Variants in DMD observed in about 807,000 individuals in gnomAD.
The protein encoded by DMD is dystrophin, also known as mutant dystrophin.
DMD carries 63 observed loss-of-function variants against 330.1 expected under a neutral mutation model. The ratio of observed to expected loss-of-function variants is 0.19; its 90% CI spans 0.16 to 0.24. DMD has a LOEUF of 0.24. DMD is among the 10% of genes least tolerant of loss of function. DMD has a pLI of 1.00. For missense variants in DMD, 3,344 were observed against 2,684.1 expected, an observed-to-expected ratio of 1.25 and a Z score of -5.43; for synonymous variants, 1,223 against 959.8, an observed-to-expected ratio of 1.27 and a Z score of -5.07.
intron 44 of DMD, among the ~76,000 whole-genome samples, chrX:31,993,236 T>C (rs1048029798): frequency 9.0e-6 from 1 of 111,601 alleles, no homozygotes; most frequent in African/African-American, 3.3e-5. Context: ...TTTGAAAGAA[T>C]AATACTGAAA....
chrX:32,783,968 A>C (rs2075126172), intron 7 of DMD, among the ~76,000 whole-genome samples: 1 of 99,105 alleles, frequency 1.0e-5, no homozygotes, highest in South Asian at 5.4e-4. Flanking sequence ...CCAAGCTATT[A>C]ATGTCAGTGC....
intron 45 of DMD, among the ~76,000 whole-genome samples, chrX:31,956,174 A>G (rs1792236513): frequency 9.0e-6 from 1 of 111,544 alleles, no homozygotes; most frequent in African/African-American, 3.3e-5. Flanking sequence ...GAGTGTAAGG[A>G]CCTCACCAAA....
intron 56 of DMD, among the ~76,000 whole-genome samples, chrX:31,504,561 A>G (rs1218099604): frequency 8.9e-6 from 1 of 111,757 alleles, no homozygotes; most frequent in East Asian, 2.8e-4. Context: ...TCATTTTAAA[A>G]TAACCCCCAT....
rs750714681 is a variant in DMD at position 31,523,797 on chromosome X, G to T, written c.8218-16344C>A. On this transcript the variant is annotated intron_variant, in intron 55 of 78. Coordinates refer to ENST00000357033, the MANE Select transcript of DMD (RefSeq NM_004006.3). Reference sequence around the variant, plus strand: ...CCCAGGGAAACAGTTCAAGATCAAAGGAAAAGATAATTAAGAATGTGCTTA... The same window carrying T: ...CCCAGGGAAACAGTTCAAGATCAAATGAAAAGATAATTAAGAATGTGCTTA... Among the ~76,000 whole-genome samples the T allele has an allele frequency of 8.4e-4, 94 of 111,954 alleles. 1 individual carries two copies. Among genetic ancestry groups the T allele is most frequent in the African/African-American group, 2.9e-3 (90 of 30,797 alleles).
At chrX:32,650,389 G>C (rs770938604) in intron 9 of DMD, among the ~76,000 whole-genome samples, 8 of 111,485 alleles carry the variant, frequency 7.2e-5, no homozygotes, top group African/African-American at 2.3e-4. Context: ...CTAAGTCAAT[G>C]CATGGATGGT....
chrX:32,275,302 G>A (rs911176143), intron 43 of DMD, among the ~76,000 whole-genome samples: 1 of 111,889 alleles, frequency 8.9e-6, no homozygotes, highest in Non-Finnish European at 1.9e-5. Context: ...TGTTTTTCTC[G>A]AAGTTTATGA....
At chrX:31,402,012 AT>A (rs2061214071) in intron 60 of DMD, among the ~76,000 whole-genome samples, 1 of 111,700 alleles carries the variant, frequency 9.0e-6, no homozygotes, top group Admixed American at 9.6e-5. Flanking sequence ...GTTGGTTTCC[AT>A]TTTATAGATG....
At chrX:31,653,177 G>A (rs2080562181) in intron 54 of DMD, among the ~76,000 whole-genome samples, 1 of 111,136 alleles carries the variant, frequency 9.0e-6, no homozygotes, top group African/African-American at 3.3e-5. Context: ...AGCAAAGAGT[G>A]ACTTACAAGT....
At chrX:31,181,141 C>A (rs2041116875) in intron 68 of DMD, among the ~76,000 whole-genome samples, 1 of 111,945 alleles carries the variant, frequency 8.9e-6, no homozygotes, top group Admixed American at 9.5e-5. Flanking sequence ...AATTTATAAT[C>A]TGTAAATACT....
intron 2 of DMD, among the ~76,000 whole-genome samples, chrX:32,871,069 CT>C (rs1160617000): frequency 9.2e-6 from 1 of 108,629 alleles, no homozygotes; most frequent in Admixed American, 9.9e-5. Context: ...CATTCTTCCC[CT>C]GCATCCTTGC....
chrX:31,368,004 T>A (rs2059349393), intron 60 of DMD, among the ~76,000 whole-genome samples: 1 of 112,095 alleles, frequency 8.9e-6, no homozygotes, highest in Non-Finnish European at 1.9e-5. Flanking sequence ...TCACATCTTG[T>A]CAGCCCACCT....
intron 44 of DMD, among the ~76,000 whole-genome samples, chrX:32,064,226 T>C (rs943459968): frequency 1.8e-5 from 2 of 111,579 alleles, no homozygotes; most frequent in Non-Finnish European, 3.8e-5. Context: ...CACTATAAGA[T>C]AAACACTATG....
At chrX:32,407,967 A>C (rs1282020190) in intron 30 of DMD, among the ~76,000 whole-genome samples, 3 of 69,703 alleles carry the variant, frequency 4.3e-5, no homozygotes, top group East Asian at 5.7e-4. Context: ...ACACCAGGGA[A>C]TGTTGTGGGG....
intron 1 of DMD, among the ~76,000 whole-genome samples, chrX:33,069,061 ATC>A (rs1351446659): frequency 8.9e-6 from 1 of 111,967 alleles, no homozygotes; most frequent in Non-Finnish European, 1.9e-5. Flanking sequence ...TATCTAGGTA[ATC>A]TCTGTTTATA....
chrX:32,480,133 C>A (rs1308466650), intron 21 of DMD, among the ~76,000 whole-genome samples: 4 of 111,371 alleles, frequency 3.6e-5, no homozygotes. Context: ...ATAAGAGGCA[C>A]CAATGGCCAA....
intron 19 of DMD, among the ~76,000 whole-genome samples, chrX:32,500,853 G>A (rs2043983311): frequency 9.0e-6 from 1 of 111,562 alleles, no homozygotes; most frequent in Non-Finnish European, 1.9e-5. Context: ...TGCCAAATTT[G>A]CAATTAAGGC....
At chrX:31,186,110 A>G (rs1390875026) in intron 67 of DMD, among the ~76,000 whole-genome samples, 2 of 112,038 alleles carry the variant, frequency 1.8e-5, no homozygotes, top group African/African-American at 6.5e-5. Flanking sequence ...TCACCTCAAC[A>G]GCACTCCAGT....
intron 1 of DMD, among the ~76,000 whole-genome samples, chrX:33,160,173 G>T (rs989878263): frequency 8.9e-6 from 1 of 112,119 alleles, no homozygotes; most frequent in Non-Finnish European, 1.9e-5. Flanking sequence ...CATGATTAAG[G>T]TAGGCTAGTC....
intron 7 of DMD, among the ~76,000 whole-genome samples, chrX:32,717,625 G>T (rs1242766937): frequency 9.0e-6 from 1 of 111,573 alleles, no homozygotes; most frequent in African/African-American, 3.3e-5. Flanking sequence ...CTGGGGCACT[G>T]CCTACTTGAG....
Sources: allele counts gnomAD v4.1 joint callset (sites outside exome capture counted in the v4.1 genomes callset), GRCh38; gene constraint gnomAD v4.1.1; transcripts MANE v1.5; gene names NCBI Gene and HGNC (gene_info 2026-07-23, HGNC 2026-07-21).